The following KCNH1 variants were observed in gnomAD, a reference collection of about 807,000 sequenced individuals.
KCNH1 encodes the protein voltage-gated delayed rectifier potassium channel KCNH1.
Under a neutral mutation model 69.2 loss-of-function variants are expected in KCNH1, and 27 were observed. That is an observed-to-expected ratio of 0.39 (90% CI 0.29 to 0.54). The LOEUF is 0.54. KCNH1 is among the 20% of genes least tolerant of loss of function. The probability of loss-of-function intolerance (pLI) is 0.68; values close to 1 mark genes in which losing one functional copy is unlikely to be tolerated. For missense variants in KCNH1, 798 were observed against 1,261.6 expected, an observed-to-expected ratio of 0.63 and a Z score of 5.57; for synonymous variants, 456 against 487.7, an observed-to-expected ratio of 0.93 and a Z score of 0.86.
intron 1 of KCNH1, among the ~76,000 whole-genome samples, chr1:211,127,704 A>G (rs60674075): frequency 0.015 from 2,293 of 152,306 alleles, 69 homozygotes; most frequent in African/African-American, 0.052. Context: ...ACAAAAGAAG[A>G]AAATACCAAA....
intron 7 of KCNH1, among the ~76,000 whole-genome samples, chr1:210,872,903 T>C (rs1017855313): frequency 6.6e-6 from 1 of 152,200 alleles, no homozygotes; most frequent in Non-Finnish European, 1.5e-5. Flanking sequence ...CTGACTCTTC[T>C]ACCCAATTTA....
chr1:210,972,446 G>A (rs1688525975), intron 6 of KCNH1, among the ~76,000 whole-genome samples: 1 of 152,006 alleles, frequency 6.6e-6, no homozygotes, highest in African/African-American at 2.4e-5. Flanking sequence ...TCTCTTTAAT[G>A]ATTTCAGTTG....
At chr1:210,999,145 A>G (rs535290673) in intron 6 of KCNH1, among the ~76,000 whole-genome samples, 32 of 152,244 alleles carry the variant, frequency 2.1e-4, no homozygotes, top group African/African-American at 6.3e-4. Context: ...CTAGCAGAAG[A>G]CAAGAAATAA....
At chr1:211,023,611 C>T (rs1311445969) in intron 5 of KCNH1, among the ~76,000 whole-genome samples, 3 of 151,708 alleles carry the variant, frequency 2.0e-5, no homozygotes, top group African/African-American at 7.3e-5. Context: ...AGCTGACCTC[C>T]TAGAAGTAGA....
intron 3 of KCNH1, among the ~76,000 whole-genome samples, chr1:211,092,187 A>G (rs1298672875): frequency 1.3e-5 from 2 of 152,184 alleles, no homozygotes; most frequent in Non-Finnish European, 2.9e-5. Flanking sequence ...AACTCACTGA[A>G]TCTTGGAGAC....
chr1:210,944,842 TCAC>T (rs1490777685), intron 6 of KCNH1, among the ~76,000 whole-genome samples: 6 of 152,226 alleles, frequency 3.9e-5, no homozygotes, highest in Non-Finnish European at 7.3e-5. Context: ...TGTACAACCA[TCAC>T]CACTATTCAT....
At chr1:210,761,275 A>AAG (rs1683514952) in intron 10 of KCNH1, among the ~76,000 whole-genome samples, 1 of 144,696 alleles carries the variant, frequency 6.9e-6, no homozygotes, top group East Asian at 2.0e-4. Context: ...AAAAAAAAAA[A>AAG]GTACATGTAA....
At chr1:210,868,363 C>T (rs1205754221) in intron 7 of KCNH1, among the ~76,000 whole-genome samples, 1 of 151,844 alleles carries the variant, frequency 6.6e-6, no homozygotes, top group African/African-American at 2.4e-5. Flanking sequence ...TAGTCTGTGG[C>T]TAAAAATTTC....
intron 10 of KCNH1, among the ~76,000 whole-genome samples, chr1:210,709,742 A>AGAG (rs1682018300): frequency 1.4e-5 from 2 of 144,942 alleles, no homozygotes; most frequent in African/African-American, 5.3e-5. Context: ...GAGAGAGAGA[A>AGAG]AGAGAGAGAG....
At position 210,681,449 on chromosome 1, in the gene KCNH1, G is replaced by C. The variant is rs985939848; in HGVS notation, c.*1832C>G. 2 of 152,208 alleles carry C rather than the reference G, an allele frequency of 1.3e-5. No homozygotes were observed. The highest frequency in any genetic ancestry group is 4.8e-5 in the African/African-American group (2 of 41,440). 9.4% of individuals were successfully genotyped at this position (152,208 alleles called of 1,614,324 possible). A position where few individuals can be genotyped will look rare whatever the true frequency, so the allele number is the denominator to read the frequency against. ...GTGAGAAGCTACATATGAGGTTAGG[G>C]CTCATGGAGCAGGACTCTCCCTTGA... On this transcript the variant is annotated 3_prime_UTR_variant, in exon 11 of 11. Transcript: ENST00000271751.
chr1:210,958,333 C>T (rs1574361473), intron 6 of KCNH1, among the ~76,000 whole-genome samples: 1 of 152,138 alleles, frequency 6.6e-6, no homozygotes, highest in African/African-American at 2.4e-5. Flanking sequence ...ACTCTGATTG[C>T]CCTTAACATT....
intron 9 of KCNH1, among the ~76,000 whole-genome samples, chr1:210,781,744 G>T (rs1217053476): frequency 6.6e-6 from 1 of 152,184 alleles, no homozygotes; most frequent in East Asian, 1.9e-4. Context: ...AAGACAAAAA[G>T]AGAATATGCC....
intron 6 of KCNH1, among the ~76,000 whole-genome samples, chr1:210,987,710 A>G (rs769073407): frequency 6.6e-6 from 1 of 152,170 alleles, no homozygotes; most frequent in Non-Finnish European, 1.5e-5. Context: ...GGTGCCTCCC[A>G]GTTAGGCTAC....
intron 7 of KCNH1, among the ~76,000 whole-genome samples, chr1:210,895,842 C>T (rs572072098): frequency 1.6e-3 from 238 of 152,174 alleles, no homozygotes; most frequent in Non-Finnish European, 2.8e-3. Flanking sequence ...TTTCCAACAA[C>T]GCCATATCAC....
intron 1 of KCNH1, among the ~76,000 whole-genome samples, chr1:211,116,821 T>C (rs1454619006): frequency 6.6e-6 from 1 of 152,152 alleles, no homozygotes; most frequent in African/African-American, 2.4e-5. Context: ...GGTCAGTAAC[T>C]CATGGTCTAG....
At chr1:210,975,545 A>G (rs931523814) in intron 6 of KCNH1, among the ~76,000 whole-genome samples, 1 of 152,248 alleles carries the variant, frequency 6.6e-6, no homozygotes, top group Non-Finnish European at 1.5e-5. Flanking sequence ...CTGGCTAGCC[A>G]TATGTAGAAA....
intron 7 of KCNH1, among the ~76,000 whole-genome samples, chr1:210,825,570 G>C (rs1192218030): frequency 6.6e-6 from 1 of 152,124 alleles, no homozygotes; most frequent in Admixed American, 6.6e-5. Flanking sequence ...TATAAAAATA[G>C]TTTTGACCTC....
intron 6 of KCNH1, among the ~76,000 whole-genome samples, chr1:210,933,305 T>C (rs868343399): frequency 3.2e-4 from 48 of 152,034 alleles, no homozygotes; most frequent in African/African-American, 1.1e-3. Flanking sequence ...TAGGTGGGAA[T>C]TGAACAATGA....
At chr1:210,770,051 G>T (rs1048690501) in intron 10 of KCNH1, among the ~76,000 whole-genome samples, 3 of 152,194 alleles carry the variant, frequency 2.0e-5, no homozygotes, top group Non-Finnish European at 4.4e-5. Context: ...GTCCTTTGCA[G>T]AGACATGGAT....
Sources: gnomAD v4.1 joint callset for allele counts (sites outside exome capture counted in the v4.1 genomes callset) on GRCh38, gnomAD v4.1.1 for gene constraint, MANE v1.5 for transcripts, NCBI Gene and HGNC (gene_info 2026-07-23, HGNC 2026-07-21) for gene names.